PSD3: variants seen among roughly 807,000 people sequenced by gnomAD.
PSD3 encodes the protein PH and SEC7 domain-containing protein 3.
PSD3 carries 49 observed loss-of-function variants against 105.5 expected under a neutral mutation model. The ratio of observed to expected loss-of-function variants is 0.46; its 90% CI spans 0.37 to 0.59. The LOEUF is 0.59. Ranked by LOEUF, PSD3 falls within the 20% of genes least tolerant of loss-of-function variation. The probability of loss-of-function intolerance (pLI) is 0.00; values close to 1 mark genes in which losing one functional copy is unlikely to be tolerated. For synonymous variants in PSD3, 557 were observed against 457.8 expected (o/e 1.22, Z -2.77); for missense variants, 1,561 against 1,263.8 (o/e 1.24, Z -3.57).
chr8:18,549,222 C>T (rs968185380), intron 15 of PSD3, among the ~76,000 whole-genome samples: 5 of 147,258 alleles, frequency 3.4e-5, no homozygotes, highest in Admixed American at 2.1e-4. Context: ...ACTCTTATTG[C>T]CCAGGCTAGA....
rs1284288359 is a variant in PSD3, at chr8:18,885,974, G to A, written c.131-13241C>T. ...TTTGAGCTAACCTTGTTCCCTTCAA[G>A]GCTATTCAGATACTAAGCTGTACTT... On this transcript the variant is annotated intron_variant, in intron 2 of 15. Transcript: ENST00000327040. Among the ~76,000 whole-genome samples, 3 of 152,204 alleles carry A rather than the reference G, an allele frequency of 2.0e-5. No individual in the cohort carries two copies. In the South Asian group the frequency reaches 6.2e-4, roughly 32 times the overall value.
intron 9 of PSD3, among the ~76,000 whole-genome samples, chr8:18,663,384 C>A (rs1043639595): frequency 6.6e-6 from 1 of 151,942 alleles, no homozygotes; most frequent in South Asian, 2.1e-4. Context: ...CAAGATCATG[C>A]CACTGCACTC....
At chr8:18,612,792 T>C (rs1228767129) in intron 11 of PSD3, among the ~76,000 whole-genome samples, 2 of 152,228 alleles carry the variant, frequency 1.3e-5, no homozygotes, top group Non-Finnish European at 1.5e-5. Flanking sequence ...AAGTCCTGTA[T>C]TGACATTGGA....
At chr8:19,068,761 T>TA (rs60747980) in intron 1 of PSD3, among the ~76,000 whole-genome samples, 45 of 146,176 alleles carry the variant, frequency 3.1e-4, no homozygotes, top group South Asian at 1.8e-3. Context: ...AAAGTTTAAT[T>TA]AAAAAAAAAA....
chr8:18,663,636 T>C (rs565092801), intron 9 of PSD3, among the ~76,000 whole-genome samples: 1 of 152,346 alleles, frequency 6.6e-6, no homozygotes, highest in East Asian at 1.9e-4. Context: ...TCTATTGAAC[T>C]GGCTGTTGTG....
intron 4 of PSD3, among the ~76,000 whole-genome samples, chr8:18,857,417 C>A (rs1331684419): frequency 6.6e-6 from 1 of 152,044 alleles, no homozygotes; most frequent in Non-Finnish European, 1.5e-5. Context: ...AGTCTGAGGC[C>A]CACACCTGGG....
intron 15 of PSD3, among the ~76,000 whole-genome samples, chr8:18,545,174 T>C (rs1800384227): frequency 6.6e-6 from 1 of 152,230 alleles, no homozygotes; most frequent in African/African-American, 2.4e-5. Flanking sequence ...AGTATTCAGC[T>C]TTTCATCTCT....
intron 1 of PSD3, among the ~76,000 whole-genome samples, chr8:18,970,631 C>T (rs1374871447): frequency 6.6e-6 from 1 of 151,942 alleles, no homozygotes; most frequent in African/African-American, 2.4e-5. Flanking sequence ...TTTAGTCTTT[C>T]CTAGAATTGT....
intron 1 of PSD3, among the ~76,000 whole-genome samples, chr8:19,033,630 A>G (rs776202157): frequency 6.8e-6 from 1 of 146,174 alleles, no homozygotes; most frequent in Non-Finnish European, 1.5e-5. Context: ...TCATTTTCTC[A>G]TTCCCTTTTC....
At chr8:18,803,862 C>T (rs1054380022) in intron 6 of PSD3, among the ~76,000 whole-genome samples, 7 of 151,814 alleles carry the variant, frequency 4.6e-5, no homozygotes, top group African/African-American at 7.3e-5. Context: ...ACGGTGGTGA[C>T]GGCTGGACAA....
At position 18,804,809 on chromosome 8, in the gene PSD3, C is replaced by T. The variant is rs181113165; in HGVS notation, c.1724G>A (p.Ser575Asn). The change falls in exon 5 of 16, where the codon AGT (serine) becomes AAT (asparagine). Residue 575 changes from serine (S) to asparagine (N), a missense_variant. Ser to Asn is a conservative substitution (Grantham distance 46, BLOSUM62 1). Coordinates refer to ENST00000327040, the MANE Select transcript of PSD3 (RefSeq NM_015310.4). The stretch of plus-strand genomic sequence containing the variant: ...TTCCACATTGCTGCTGGTACCATTA[C>T]TGAGATTTTCTGGGGTCTCCTTTTC... Reference protein sequence around the residue: ...ILEKETPENLSNGTSSNVEAA... With the variant: ...ILEKETPENLNNGTSSNVEAA... 1.5e-4 allele frequency: 244 copies of T among 1,614,098 alleles called. No individual in the cohort carries two copies. Among genetic ancestry groups the T allele is most frequent in the Admixed American group, 2.0e-4 (12 of 60,020 alleles).
chr8:18,544,986 C>T (rs1372990322), intron 15 of PSD3, among the ~76,000 whole-genome samples: 1 of 152,192 alleles, frequency 6.6e-6, no homozygotes, highest in Non-Finnish European at 1.5e-5. Context: ...GAGTAGAAAG[C>T]AGGTGCTTTT....
At chr8:18,897,062 C>T (rs969363696) in intron 2 of PSD3, among the ~76,000 whole-genome samples, 1 of 152,158 alleles carries the variant, frequency 6.6e-6, no homozygotes, top group Non-Finnish European at 1.5e-5. Flanking sequence ...CCACCTGAGC[C>T]TCCCAAAGTG....
chr8:18,846,342 G>T (rs1194887086), intron 4 of PSD3, among the ~76,000 whole-genome samples: 2 of 152,170 alleles, frequency 1.3e-5, no homozygotes, highest in African/African-American at 2.4e-5. Flanking sequence ...TTTAACAGAG[G>T]CTGTGGGGCT....
chr8:18,616,593 T>TGA lies in PSD3; in HGVS notation c.2410+16019_2410+16020insTC, dbSNP rs201345112. 1.5e-3 allele frequency among the ~76,000 whole-genome samples: 233 copies of TGA among 151,828 alleles called. 6 individuals are homozygous for TGA. In the East Asian group the frequency reaches 0.037, roughly 24 times the overall value. On this transcript the variant is annotated intron_variant, in intron 11 of 15. Transcript: ENST00000327040. The stretch of plus-strand genomic sequence containing the variant: ...TTCATTTACTTAACAGGAACACCTT[T>TGA]GCTAGCCAGGCCTCATCTTCCTCTC...
chr8:18,888,328 G>C (rs1167679661), intron 2 of PSD3, among the ~76,000 whole-genome samples: 1 of 152,192 alleles, frequency 6.6e-6, no homozygotes, highest in Non-Finnish European at 1.5e-5. Context: ...TCCAGCTTTA[G>C]CTTCCTTATC....
intron 9 of PSD3, among the ~76,000 whole-genome samples, chr8:18,657,907 C>A (rs1038608): frequency 0.38 from 56,964 of 151,532 alleles, 10,882 homozygotes; most frequent in South Asian, 0.51. Flanking sequence ...TTTAAATGAC[C>A]GCTAAACAGC....
rs756063290 is a variant in PSD3, at chr8:18,867,903, C to T, written c.1405G>A (p.Asp469Asn). The T allele has an allele frequency of 1.2e-6, 2 of 1,614,168 alleles. No homozygotes were observed. Among genetic ancestry groups the T allele is most frequent in the Non-Finnish European group, 1.7e-6 (2 of 1,180,022 alleles). ...GGCATTTCAAAGCTAAAATAGCTAT[C>T]AGGCTCTGAGTATAATGTCTCCAGG... ...ESLETLYSEP[D>N]SYFSFEMPLT... Residue 469 changes from aspartate (D) to asparagine (N), a missense_variant, in exon 4 of 16, where the codon GAT becomes AAT. Coordinates refer to ENST00000327040, the MANE Select transcript of PSD3 (RefSeq NM_015310.4).
At chr8:18,792,923 G>C (rs77898773) in intron 8 of PSD3, among the ~76,000 whole-genome samples, 15 of 152,232 alleles carry the variant, frequency 9.9e-5, no homozygotes, top group Non-Finnish European at 2.2e-4. Flanking sequence ...CTTGGAACCA[G>C]TCCAAATGTC....
Sources: gnomAD v4.1 joint callset for allele counts (sites outside exome capture counted in the v4.1 genomes callset) on GRCh38, gnomAD v4.1.1 for gene constraint, MANE v1.5 for transcripts, NCBI Gene and HGNC (gene_info 2026-07-23, HGNC 2026-07-21) for gene names.